FRMD4A: variants seen among roughly 807,000 people sequenced by gnomAD.
FRMD4A encodes the protein FERM domain containing 4A, also known as FERM domain-containing protein 4A.
In FRMD4A, 29 loss-of-function variants were observed where a neutral mutation model predicts 129.1. The observed-to-expected ratio is 0.22, with a 90% CI of 0.17 to 0.31. The LOEUF is 0.31. Ranked by LOEUF, FRMD4A falls within the 10% of genes least tolerant of loss-of-function variation. The pLI is 1.00. For missense variants in FRMD4A, 1,272 were observed against 1,375.8 expected (o/e 0.92, Z 1.19); for synonymous variants, 634 against 571.6 (o/e 1.11, Z -1.56).
chr10:14,080,656 G>A (rs148252264), intron 2 of FRMD4A, among the ~76,000 whole-genome samples: 1 of 151,992 alleles, frequency 6.6e-6, no homozygotes, highest in East Asian at 1.9e-4. Context: ...AAGCCACTAA[G>A]CCAGCCCTAC....
intron 2 of FRMD4A, among the ~76,000 whole-genome samples, chr10:14,268,962 T>C (rs1421860298): frequency 1.3e-5 from 2 of 152,192 alleles, no homozygotes; most frequent in Non-Finnish European, 2.9e-5. Context: ...GCGTATGCCG[T>C]TAGGATGAAA....
chr10:13,661,087 T>C (rs1336674239), intron 19 of FRMD4A, among the ~76,000 whole-genome samples: 11 of 152,204 alleles, frequency 7.2e-5, no homozygotes, highest in Non-Finnish European at 1.0e-4. Flanking sequence ...GCTGGGTGGA[T>C]CGGGTGTCTA....
intron 2 of FRMD4A, among the ~76,000 whole-genome samples, chr10:14,049,670 CA>C (rs1834166017): frequency 6.6e-6 from 1 of 152,124 alleles, no homozygotes; most frequent in Non-Finnish European, 1.5e-5. Flanking sequence ...GCCTGGCCAC[CA>C]TGGCAAAACC....
At chr10:14,040,426 C>G (rs1172981822) in intron 2 of FRMD4A, among the ~76,000 whole-genome samples, 1 of 152,156 alleles carries the variant, frequency 6.6e-6, no homozygotes, top group Non-Finnish European at 1.5e-5. Flanking sequence ...TTAATAGCAT[C>G]TCCATTGTGT....
intron 2 of FRMD4A, among the ~76,000 whole-genome samples, chr10:13,894,314 C>T (rs1257227967): frequency 6.6e-6 from 1 of 152,218 alleles, no homozygotes; most frequent in Non-Finnish European, 1.5e-5. Flanking sequence ...TCGCTAAAAA[C>T]CTGTTCAGGG....
chr10:14,066,470 G>A (rs755664901), intron 2 of FRMD4A, among the ~76,000 whole-genome samples: 1 of 152,118 alleles, frequency 6.6e-6, no homozygotes, highest in African/African-American at 2.4e-5. Context: ...AATCTGGATA[G>A]AGAGAATGAG....
intron 2 of FRMD4A, among the ~76,000 whole-genome samples, chr10:14,042,047 G>A (rs1040841853): frequency 2.0e-5 from 3 of 152,096 alleles, no homozygotes; most frequent in African/African-American, 4.8e-5. Flanking sequence ...TTTCCTCCCC[G>A]TCTAATTAGG....
chr10:13,847,179 C>A (rs1049323959), intron 3 of FRMD4A, among the ~76,000 whole-genome samples: 1 of 152,136 alleles, frequency 6.6e-6, no homozygotes, highest in Non-Finnish European at 1.5e-5. Flanking sequence ...TGATGGGCTT[C>A]GGTTGCCATG....
chr10:13,704,560 C>G (rs1460921481), intron 13 of FRMD4A, among the ~76,000 whole-genome samples: 1 of 152,166 alleles, frequency 6.6e-6, no homozygotes, highest in Non-Finnish European at 1.5e-5. Flanking sequence ...CCTCTCCTTC[C>G]TGGTAAGCCT....
At chr10:14,185,823 A>T (rs1321279133) in intron 2 of FRMD4A, among the ~76,000 whole-genome samples, 4 of 152,116 alleles carry the variant, frequency 2.6e-5, no homozygotes, top group Admixed American at 6.5e-5. Context: ...TAGACAGGGC[A>T]GGGCCCAGTG....
chr10:14,112,714 C>T (rs964085824), intron 2 of FRMD4A, among the ~76,000 whole-genome samples: 9 of 152,074 alleles, frequency 5.9e-5, no homozygotes, highest in Non-Finnish European at 1.2e-4. Flanking sequence ...TTGGTACGGA[C>T]GGGGTTTCAT....
At chr10:14,297,270 C>A (rs1182269782) in intron 2 of FRMD4A, among the ~76,000 whole-genome samples, 1 of 152,064 alleles carries the variant, frequency 6.6e-6, no homozygotes, top group African/African-American at 2.4e-5. Flanking sequence ...ACAGTCAGGT[C>A]ATTACAGACA....
chr10:13,956,326 A>G (rs2095410067), intron 2 of FRMD4A, among the ~76,000 whole-genome samples: 1 of 151,884 alleles, frequency 6.6e-6, no homozygotes, highest in Admixed American at 6.6e-5. Context: ...CTAATTTTGT[A>G]CTTTTAGTAG....
At chr10:13,730,859 CAAA>C (rs10639026) in intron 12 of FRMD4A, among the ~76,000 whole-genome samples, 2 of 90,850 alleles carry the variant, frequency 2.2e-5, no homozygotes, top group African/African-American at 4.1e-5. Context: ...ACTAAAAATA[CAAA>C]AAAAAAAAAA....
intron 2 of FRMD4A, among the ~76,000 whole-genome samples, chr10:14,134,786 G>C (rs1030812879): frequency 6.6e-6 from 1 of 152,128 alleles, no homozygotes. Context: ...AATGAAGTTG[G>C]GAGGTGTGGA....
intron 2 of FRMD4A, among the ~76,000 whole-genome samples, chr10:14,002,087 T>A (rs2095644890): frequency 6.6e-6 from 1 of 152,180 alleles, no homozygotes; most frequent in South Asian, 2.1e-4. Flanking sequence ...ATATAATGAA[T>A]GATGTGGGTA....
intron 8 of FRMD4A, among the ~76,000 whole-genome samples, chr10:13,757,372 G>C (rs2091908024): frequency 6.6e-6 from 1 of 152,170 alleles, no homozygotes; most frequent in Admixed American, 6.5e-5. Flanking sequence ...TTTTAGATAA[G>C]ACTATTTCCT....
At chr10:13,704,253 T>C (rs1369986535) in intron 13 of FRMD4A, among the ~76,000 whole-genome samples, 1 of 152,108 alleles carries the variant, frequency 6.6e-6, no homozygotes, top group African/African-American at 2.4e-5. Flanking sequence ...CTGAAGCCAT[T>C]TCCTTTCCTT....
chr10:13,864,338 CA>C (rs149602938), intron 2 of FRMD4A, among the ~76,000 whole-genome samples: 18,886 of 114,520 alleles, frequency 0.16, 1,240 homozygotes, highest in South Asian at 0.19. Flanking sequence ...CATCTTGAGT[CA>C]AAAAAAAAAA....
Sources: gnomAD v4.1 joint callset for allele counts (sites outside exome capture counted in the v4.1 genomes callset) on GRCh38, gnomAD v4.1.1 for gene constraint, MANE v1.5 for transcripts, NCBI Gene and HGNC (gene_info 2026-07-23, HGNC 2026-07-21) for gene names.